Variants in VTI1A observed in about 807,000 individuals in gnomAD.
The protein encoded by VTI1A is vesicle transport through interaction with t-SNAREs homolog 1A.
A neutral mutation model predicts 34.9 loss-of-function variants in VTI1A; 22 were observed. The ratio of observed to expected loss-of-function variants is 0.63; its 90% CI spans 0.45 to 0.90. VTI1A has a LOEUF of 0.90. Ranked by LOEUF, VTI1A falls within the 40% of genes least tolerant of loss-of-function variation. VTI1A has a pLI of 0.00. For missense variants in VTI1A, 268 were observed against 275.6 expected, an observed-to-expected ratio of 0.97 and a Z score of 0.20; for synonymous variants, 87 against 97.3, an observed-to-expected ratio of 0.89 and a Z score of 0.62.
At chr10:112,676,190 T>G in intron 7 of VTI1A, among the ~76,000 whole-genome samples, 1 of 152,188 alleles carries the variant, frequency 6.6e-6, no homozygotes, top group East Asian at 1.9e-4. Flanking sequence ...GAATTTTTTT[T>G]AATTAAAAAT....
At chr10:112,757,678 G>T (rs989359369) in intron 7 of VTI1A, among the ~76,000 whole-genome samples, 1 of 152,066 alleles carries the variant, frequency 6.6e-6, no homozygotes, top group Non-Finnish European at 1.5e-5. Context: ...GAGTCACTGC[G>T]CCTGACCTGT....
chr10:112,677,938 G>T (rs1393770786), intron 7 of VTI1A: 1 of 152,220 alleles, frequency 6.6e-6, no homozygotes, highest in Non-Finnish European at 1.5e-5. Context: ...ATGTTACCCT[G>T]ATGTAGGCCT....
chr10:112,740,180 C>G (rs1850642749), intron 7 of VTI1A, among the ~76,000 whole-genome samples: 1 of 152,218 alleles, frequency 6.6e-6, no homozygotes, highest in Non-Finnish European at 1.5e-5. Flanking sequence ...TTCCTGCACT[C>G]TCTTCCATTC....
At chr10:112,537,966 T>C (rs1047466551) in intron 4 of VTI1A, among the ~76,000 whole-genome samples, 2 of 152,280 alleles carry the variant, frequency 1.3e-5, no homozygotes, top group Admixed American at 1.3e-4. Context: ...TTGGGTATGG[T>C]CTTCGTACTT....
At chr10:112,703,482 G>A (rs536887262) in intron 7 of VTI1A, among the ~76,000 whole-genome samples, 3 of 152,074 alleles carry the variant, frequency 2.0e-5, no homozygotes, top group South Asian at 2.1e-4. Context: ...CAGGAGAATC[G>A]CTTGAACCGG....
At chr10:112,501,281 T>C (rs1466708858) in intron 3 of VTI1A, among the ~76,000 whole-genome samples, 1 of 152,230 alleles carries the variant, frequency 6.6e-6, no homozygotes, top group Non-Finnish European at 1.5e-5. Context: ...CATGGCTTTA[T>C]TAAATAATAA....
chr10:112,750,461 C>A (rs949044167), intron 7 of VTI1A, among the ~76,000 whole-genome samples: 3 of 152,130 alleles, frequency 2.0e-5, no homozygotes, highest in Non-Finnish European at 2.9e-5. Context: ...AGCAATCCTT[C>A]CTCTTCAGCC....
At chr10:112,774,005 G>C (rs1020172512) in intron 7 of VTI1A, among the ~76,000 whole-genome samples, 1 of 152,202 alleles carries the variant, frequency 6.6e-6, no homozygotes, top group African/African-American at 2.4e-5. Flanking sequence ...CCCTTATTTG[G>C]CAAAAGAAGA....
At chr10:112,693,191 A>T (rs1251852296) in intron 7 of VTI1A, among the ~76,000 whole-genome samples, 1 of 152,204 alleles carries the variant, frequency 6.6e-6, no homozygotes, top group African/African-American at 2.4e-5. Flanking sequence ...TTATTTATTT[A>T]GTTCCCCTAA....
At chr10:112,737,583 T>C in intron 7 of VTI1A, 1 of 1,048,184 alleles carries the variant, frequency 9.5e-7, no homozygotes, top group Non-Finnish European at 1.2e-6. Context: ...AGGGACAGCA[T>C]GTAAGGTCTT....
At chr10:112,603,416 A>G (rs1844955173) in intron 5 of VTI1A, among the ~76,000 whole-genome samples, 1 of 152,096 alleles carries the variant, frequency 6.6e-6, no homozygotes. Flanking sequence ...AATAACATTC[A>G]TTGCCTTTTT....
chr10:112,447,540 A>C (rs1846926090), intron 1 of VTI1A, 73 bp downstream of exon 1: 1 of 1,525,376 alleles, frequency 6.6e-7, no homozygotes, highest in African/African-American at 1.4e-5. Flanking sequence ...ACGCCGCCCG[A>C]GTAAGTGTGT....
At chr10:112,750,364 T>A (rs1851058871) in intron 7 of VTI1A, among the ~76,000 whole-genome samples, 1 of 137,084 alleles carries the variant, frequency 7.3e-6, no homozygotes, top group Non-Finnish European at 1.7e-5. Context: ...AATTTTGTAA[T>A]TTTTTTTTTG....
intron 3 of VTI1A, among the ~76,000 whole-genome samples, chr10:112,469,513 AC>A (rs752925950): frequency 1.1e-4 from 17 of 152,200 alleles, no homozygotes; most frequent in Admixed American, 5.9e-4. Context: ...CTTTATTCAG[AC>A]AGTTAGATAA....
At chr10:112,527,318 A>G (rs773212008) in intron 4 of VTI1A, 154 bp downstream of exon 4, 72 of 526,934 alleles carry the variant, frequency 1.4e-4, no homozygotes, top group Non-Finnish European at 2.0e-4. Flanking sequence ...ATCAACTTCA[A>G]AATGTTTCTT....
At chr10:112,790,854 G>C (rs754878212) in intron 7 of VTI1A, among the ~76,000 whole-genome samples, 1 of 149,700 alleles carries the variant, frequency 6.7e-6, no homozygotes, top group South Asian at 2.1e-4. Context: ...CCCCTGGTAG[G>C]AGGATTTTTG....
At chr10:112,792,322 C>A (rs1444799960) in intron 7 of VTI1A, among the ~76,000 whole-genome samples, 3 of 152,118 alleles carry the variant, frequency 2.0e-5, no homozygotes, top group African/African-American at 7.2e-5. Flanking sequence ...TAGAAGGAGT[C>A]TTAGAAGTCC....
At chr10:112,465,162 A>G (rs1847856108) in intron 3 of VTI1A, among the ~76,000 whole-genome samples, 1 of 152,194 alleles carries the variant, frequency 6.6e-6, no homozygotes, top group Non-Finnish European at 1.5e-5. Context: ...CTTTCAATTG[A>G]CAGTTTATAT....
intron 5 of VTI1A, among the ~76,000 whole-genome samples, chr10:112,562,522 TTG>T (rs369382577): frequency 1.1e-4 from 17 of 150,896 alleles, no homozygotes; most frequent in East Asian, 1.9e-4. Flanking sequence ...AATATTATGT[TTG>T]TGTGTGTGTG....
Sources: gnomAD v4.1 joint callset for allele counts (sites outside exome capture counted in the v4.1 genomes callset) on GRCh38, gnomAD v4.1.1 for gene constraint, MANE v1.5 for transcripts, NCBI Gene and HGNC (gene_info 2026-07-23, HGNC 2026-07-21) for gene names.